CACNB4: variants seen among roughly 807,000 people sequenced by gnomAD.
CACNB4 encodes calcium voltage-gated channel auxiliary subunit beta 4.
A neutral mutation model predicts 71.2 loss-of-function variants in CACNB4; 32 were observed. The ratio of observed to expected loss-of-function variants is 0.45; its 90% CI spans 0.34 to 0.60. The LOEUF (loss-of-function observed/expected upper bound fraction) is 0.60. Among genes scored for constraint, CACNB4 ranks in the 20% least tolerant of loss-of-function variants. The probability of loss-of-function intolerance (pLI) is 0.01; values close to 1 mark genes in which losing one functional copy is unlikely to be tolerated. For missense variants in CACNB4, 464 were observed against 647.9 expected (o/e 0.72, Z 3.08); for synonymous variants, 231 against 236.9 (o/e 0.97, Z 0.23).
chr2:151,849,968 T>C (rs532960026), intron 12 of CACNB4, among the ~76,000 whole-genome samples: 2 of 152,286 alleles, frequency 1.3e-5, no homozygotes, highest in African/African-American at 4.8e-5. Context: ...TTTGCTTTCC[T>C]GCTCGAGAGC....
intron 2 of CACNB4, among the ~76,000 whole-genome samples, chr2:151,950,889 G>C (rs1010764771): frequency 6.6e-6 from 1 of 152,172 alleles, no homozygotes; most frequent in Non-Finnish European, 1.5e-5. Context: ...AGATAGAGGT[G>C]GTGGTCAGAC....
chr2:152,031,590 A>C (rs1045593606), intron 2 of CACNB4, among the ~76,000 whole-genome samples: 2 of 152,108 alleles, frequency 1.3e-5, no homozygotes, highest in Non-Finnish European at 2.9e-5. Flanking sequence ...GCCTGGGACC[A>C]GGCAGAGGAG....
At chr2:151,875,579 G>A (rs1404423986) in intron 5 of CACNB4, among the ~76,000 whole-genome samples, 2 of 149,330 alleles carry the variant, frequency 1.3e-5, no homozygotes, top group Non-Finnish European at 3.0e-5. Context: ...GCCGGGCAGA[G>A]GCGCCCCTCA....
At chr2:152,030,051 T>G (rs978617891) in intron 2 of CACNB4, among the ~76,000 whole-genome samples, 1 of 152,004 alleles carries the variant, frequency 6.6e-6, no homozygotes, top group Non-Finnish European at 1.5e-5. Flanking sequence ...AATGCTGAAG[T>G]GCAAATTCAA....
intron 2 of CACNB4, among the ~76,000 whole-genome samples, chr2:152,045,458 C>T (rs999762211): frequency 2.6e-5 from 4 of 152,088 alleles, no homozygotes; most frequent in African/African-American, 9.7e-5. Flanking sequence ...TTTATATGAG[C>T]TACCTACAGT....
intron 2 of CACNB4, among the ~76,000 whole-genome samples, chr2:152,044,576 A>C (rs1010034599): frequency 6.6e-5 from 10 of 152,220 alleles, no homozygotes; most frequent in African/African-American, 2.4e-4. Flanking sequence ...AGGGTGGAGA[A>C]ATCACTATTA....
chr2:151,950,497 G>A (rs886200866), intron 2 of CACNB4, among the ~76,000 whole-genome samples: 1 of 152,150 alleles, frequency 6.6e-6, no homozygotes, highest in East Asian at 1.9e-4. Flanking sequence ...CTGAAAACAG[G>A]AACTCAAACG....
intron 2 of CACNB4, chr2:151,968,931 G>C (rs914870534): frequency 6.6e-6 from 1 of 152,166 alleles, no homozygotes; most frequent in African/African-American, 2.4e-5. Context: ...CAAATTCATG[G>C]GATCTGATCG....
intron 2 of CACNB4, among the ~76,000 whole-genome samples, chr2:151,900,338 C>T (rs1400279283): frequency 6.6e-6 from 1 of 152,122 alleles, no homozygotes; most frequent in Non-Finnish European, 1.5e-5. Context: ...AGGCAGAGGT[C>T]AGTCTGAGGT....
At chr2:151,860,516 A>G in intron 10 of CACNB4, 195 bp downstream of exon 10, 1 of 597,394 alleles carries the variant, frequency 1.7e-6, no homozygotes, top group South Asian at 2.1e-5. Context: ...CTAATTGACT[A>G]AAGCTGAGAG....
intron 2 of CACNB4, among the ~76,000 whole-genome samples, chr2:152,091,813 T>C (rs761076223): frequency 6.6e-6 from 1 of 152,086 alleles, no homozygotes; most frequent in Non-Finnish European, 1.5e-5. Flanking sequence ...GAGGAACTGG[T>C]AGAAGACTGG....
At chr2:152,042,720 C>G (rs193251257) in intron 2 of CACNB4, among the ~76,000 whole-genome samples, 1 of 151,930 alleles carries the variant, frequency 6.6e-6, no homozygotes, top group African/African-American at 2.4e-5. Context: ...TGTTTTCAGA[C>G]GCGTTTGAAC....
At chr2:151,918,169 T>A (rs1436584798) in intron 2 of CACNB4, among the ~76,000 whole-genome samples, 2 of 152,236 alleles carry the variant, frequency 1.3e-5, no homozygotes, top group East Asian at 3.8e-4. Context: ...GCATTGCCCA[T>A]GCTTTCAAGT....
chr2:151,926,639 A>T (rs140961489), intron 2 of CACNB4, among the ~76,000 whole-genome samples: 1 of 152,354 alleles, frequency 6.6e-6, no homozygotes, highest in East Asian at 1.9e-4. Flanking sequence ...ATAATATAAT[A>T]GCAGCATCTG....
intron 2 of CACNB4, among the ~76,000 whole-genome samples, chr2:151,946,424 G>A (rs1445286046): frequency 6.6e-6 from 1 of 151,896 alleles, no homozygotes; most frequent in Non-Finnish European, 1.5e-5. Flanking sequence ...ACAGTCCCAG[G>A]CAAACCCTGA....
At chr2:151,997,515 C>T (rs951989078) in intron 2 of CACNB4, among the ~76,000 whole-genome samples, 1 of 147,316 alleles carries the variant, frequency 6.8e-6, no homozygotes, top group African/African-American at 2.4e-5. Context: ...GCCTGGGAGA[C>T]AGAGTGAGAC....
chr2:151,879,812 C>T (rs1031228446), intron 4 of CACNB4: 1 of 152,202 alleles, frequency 6.6e-6, no homozygotes, highest in Admixed American at 6.6e-5. Flanking sequence ...GCAGCCAGGA[C>T]AAATTGAGAC....
At chr2:151,963,080 A>T (rs1322544827) in intron 2 of CACNB4, among the ~76,000 whole-genome samples, 1 of 152,126 alleles carries the variant, frequency 6.6e-6, no homozygotes, top group African/African-American at 2.4e-5. Flanking sequence ...TGGGAGGCCA[A>T]TGCGGGCAGA....
intron 2 of CACNB4, among the ~76,000 whole-genome samples, chr2:151,996,108 G>A (rs560269615): frequency 1.3e-5 from 2 of 152,286 alleles, no homozygotes; most frequent in South Asian, 2.1e-4. Context: ...AATTCACTTG[G>A]ATTCAAGAAC....
Sources: gnomAD v4.1 joint callset for allele counts (sites outside exome capture counted in the v4.1 genomes callset) on GRCh38, gnomAD v4.1.1 for gene constraint, MANE v1.5 for transcripts, NCBI Gene and HGNC (gene_info 2026-07-23, HGNC 2026-07-21) for gene names.